The following KCNIP4 variants were observed in gnomAD, a reference collection of about 807,000 sequenced individuals.
The protein encoded by KCNIP4 is potassium voltage-gated channel interacting protein 4.
KCNIP4 carries 12 observed loss-of-function variants against 34.0 expected under a neutral mutation model. That is an observed-to-expected ratio of 0.35 (90% confidence interval 0.23 to 0.57). The LOEUF (loss-of-function observed/expected upper bound fraction) is 0.57. Among genes scored for constraint, KCNIP4 ranks in the 20% least tolerant of loss-of-function variants. The probability of loss-of-function intolerance (pLI) is 0.83; values close to 1 mark genes in which losing one functional copy is unlikely to be tolerated. For missense variants in KCNIP4, 238 were observed against 311.7 expected, an observed-to-expected ratio of 0.76 and a Z score of 1.78; for synonymous variants, 124 against 102.2, an observed-to-expected ratio of 1.21 and a Z score of -1.29.
At chr4:21,927,825 C>T (rs1230308747) in intron 1 of KCNIP4, among the ~76,000 whole-genome samples, 1 of 152,024 alleles carries the variant, frequency 6.6e-6, no homozygotes, top group East Asian at 1.9e-4. Flanking sequence ...CCATTATCCA[C>T]ATGCTCTGAC....
At chr4:21,011,678 C>T (rs544256702) in intron 1 of KCNIP4, among the ~76,000 whole-genome samples, 5 of 152,246 alleles carry the variant, frequency 3.3e-5, no homozygotes, top group Middle Eastern at 3.4e-3. Flanking sequence ...GCTTTATCTC[C>T]AAATCAACAA....
intron 1 of KCNIP4, among the ~76,000 whole-genome samples, chr4:21,840,458 T>C (rs182944276): frequency 8.9e-4 from 136 of 152,280 alleles, no homozygotes; most frequent in South Asian, 3.1e-3. Flanking sequence ...AGAGGCAATG[T>C]TGAAAGAAGC....
intron 1 of KCNIP4, among the ~76,000 whole-genome samples, chr4:21,532,515 C>T (rs984226490): frequency 4.6e-5 from 7 of 152,174 alleles, no homozygotes; most frequent in Admixed American, 3.3e-4. Context: ...GTGGGAAGCA[C>T]ACAGGCAGAG....
At chr4:21,377,166 G>A (rs547754223) in intron 1 of KCNIP4, among the ~76,000 whole-genome samples, 1 of 152,112 alleles carries the variant, frequency 6.6e-6, no homozygotes, top group Non-Finnish European at 1.5e-5. Context: ...TAAATAAATT[G>A]CATCCATTCT....
At chr4:21,613,549 C>T (rs531246979) in intron 1 of KCNIP4, 1 of 152,180 alleles carries the variant, frequency 6.6e-6, no homozygotes, top group Admixed American at 6.5e-5. Flanking sequence ...ATTCCTGACC[C>T]ACAGAAGAGC....
At chr4:20,757,957 T>C (rs1754619812) in intron 4 of KCNIP4, among the ~76,000 whole-genome samples, 1 of 152,180 alleles carries the variant, frequency 6.6e-6, no homozygotes. Context: ...CAGAATATTA[T>C]TTTTTAACTC....
rs554288145 is a variant in KCNIP4 at position 21,692,901 on chromosome 4, G to A, written c.61+255670C>T. On this transcript the variant is annotated intron_variant, in intron 1 of 8. Transcript: ENST00000382152. ...AGTGTTTATTTATGTGAGGTCTTTA[G>A]GGGTACTTCCTTTGTGTGAGATGTG... Among the ~76,000 whole-genome samples the A allele has an allele frequency of 3.6e-5, 5 of 139,982 alleles. No homozygotes were observed. In the East Asian group the frequency reaches 8.6e-4, roughly 24 times the overall value. 91.8% of individuals were successfully genotyped at this position (139,982 alleles called of 152,430 possible). A position where few individuals can be genotyped will look rare whatever the true frequency, so the allele number is the denominator to read the frequency against.
intron 3 of KCNIP4, among the ~76,000 whole-genome samples, chr4:20,814,651 A>G (rs981407422): frequency 6.6e-6 from 1 of 152,148 alleles, no homozygotes; most frequent in Non-Finnish European, 1.5e-5. Flanking sequence ...GATGGCCATC[A>G]CAGGTGGGAC....
chr4:21,936,735 A>G (rs988114112), intron 1 of KCNIP4, among the ~76,000 whole-genome samples: 11 of 152,030 alleles, frequency 7.2e-5, no homozygotes, highest in African/African-American at 2.7e-4. Flanking sequence ...TTAGCCACCA[A>G]TCCTCACCTT....
intron 1 of KCNIP4, among the ~76,000 whole-genome samples, chr4:21,477,309 G>A (rs1477320157): frequency 6.6e-6 from 1 of 152,134 alleles, no homozygotes. Context: ...GACAGACACC[G>A]AAGCTTAGTG....
At chr4:21,355,933 A>G (rs1209521506) in intron 1 of KCNIP4, among the ~76,000 whole-genome samples, 1 of 152,188 alleles carries the variant, frequency 6.6e-6, no homozygotes, top group Non-Finnish European at 1.5e-5. Flanking sequence ...ATCCAGCAGC[A>G]CATCAAAAAG....
chr4:21,723,621 TCACA>T (rs1714982392), intron 1 of KCNIP4, among the ~76,000 whole-genome samples: 1 of 152,050 alleles, frequency 6.6e-6, no homozygotes, highest in Non-Finnish European at 1.5e-5. Context: ...AAGTTTGGTG[TCACA>T]TGGGAGCTCA....
intron 3 of KCNIP4, among the ~76,000 whole-genome samples, chr4:20,806,642 A>T (rs1715128739): frequency 6.6e-6 from 1 of 152,004 alleles, no homozygotes; most frequent in African/African-American, 2.4e-5. Context: ...GTGGGTTGGG[A>T]GGTAAAACAG....
intron 1 of KCNIP4, among the ~76,000 whole-genome samples, chr4:21,353,590 A>C (rs1718249042): frequency 6.6e-6 from 1 of 152,178 alleles, no homozygotes; most frequent in Admixed American, 6.6e-5. Context: ...AGAAGACAAG[A>C]TTAGAGAAAA....
chr4:21,823,869 C>T (rs574899952), intron 1 of KCNIP4, among the ~76,000 whole-genome samples: 2 of 152,278 alleles, frequency 1.3e-5, no homozygotes, highest in African/African-American at 4.8e-5. Context: ...TGTATAAACA[C>T]CCCTCTACAA....
At chr4:20,864,308 A>G (rs1364726759) in intron 2 of KCNIP4, among the ~76,000 whole-genome samples, 1 of 151,520 alleles carries the variant, frequency 6.6e-6, no homozygotes, top group Non-Finnish European at 1.5e-5. Context: ...ATGTATGCAT[A>G]TATACATACG....
intron 1 of KCNIP4, among the ~76,000 whole-genome samples, chr4:20,920,730 G>A (rs1729315376): frequency 1.3e-5 from 2 of 152,180 alleles, no homozygotes; most frequent in Admixed American, 1.3e-4. Flanking sequence ...GGTGGCTCAC[G>A]CCTGTAATCC....
intron 1 of KCNIP4, among the ~76,000 whole-genome samples, chr4:21,929,583 A>G (rs1048971599): frequency 2.0e-5 from 3 of 152,238 alleles, no homozygotes; most frequent in Admixed American, 6.5e-5. Flanking sequence ...GCCTATAAAC[A>G]TGCCCAAACT....
At chr4:21,926,311 A>G (rs1729240258) in intron 1 of KCNIP4, among the ~76,000 whole-genome samples, 1 of 152,188 alleles carries the variant, frequency 6.6e-6, no homozygotes, top group Non-Finnish European at 1.5e-5. Flanking sequence ...AAAGGCTCCA[A>G]AGCTTAAATG....
Sources: allele counts gnomAD v4.1 joint callset (sites outside exome capture counted in the v4.1 genomes callset), GRCh38; gene constraint gnomAD v4.1.1; transcripts MANE v1.5; gene names NCBI Gene and HGNC (gene_info 2026-07-23, HGNC 2026-07-21).